ITGBL1: variants seen among roughly 807,000 people sequenced by gnomAD.
ITGBL1 encodes integrin subunit beta like 1.
In ITGBL1, 51 loss-of-function variants were observed where a neutral mutation model predicts 68.5. That is an observed-to-expected ratio of 0.74 (90% CI 0.59 to 0.94). The LOEUF is 0.94. Ranked by LOEUF, ITGBL1 falls within the 40% of genes least tolerant of loss-of-function variation. The probability of loss-of-function intolerance (pLI) is 0.00; values close to 1 mark genes in which losing one functional copy is unlikely to be tolerated. For missense variants in ITGBL1, 649 were observed against 647.4 expected (o/e 1.00, Z -0.03); for synonymous variants, 209 against 227.3 (o/e 0.92, Z 0.72).
intron 2 of ITGBL1, among the ~76,000 whole-genome samples, chr13:101,460,552 A>G (rs967790961): frequency 4.6e-5 from 7 of 152,172 alleles, no homozygotes; most frequent in Admixed American, 1.3e-4. Flanking sequence ...ATTTTCCTCA[A>G]TTGTACTGCT....
intron 9 of ITGBL1, chr13:101,712,359 A>G (rs1025208290): frequency 6.6e-6 from 1 of 152,210 alleles, no homozygotes; most frequent in South Asian, 2.1e-4. Flanking sequence ...CAAATGTTCT[A>G]TCCATATATG....
chr13:101,605,487 CATATATAG>C lies in ITGBL1; in HGVS notation c.1015+7190_1015+7197del, dbSNP rs1463399651. Among the ~76,000 whole-genome samples the C allele has an allele frequency of 6.5e-4, 75 of 114,778 alleles. 3 individuals are homozygous for C. The highest frequency in any genetic ancestry group is 8.8e-3 in the Middle Eastern group (2 of 228). The allele number at this position is 114,778 out of a possible 152,430, so 75.3% of individuals were successfully genotyped here. On this transcript the variant is annotated intron_variant, in intron 7 of 10. Transcript: ENST00000376180. ...ACATATGTATATGCGTATATATACA[CATATATAG>C]ACATGTATATGCGTATACACATATA...
chr13:101,529,660 G>A (rs986906122), intron 2 of ITGBL1, among the ~76,000 whole-genome samples: 2 of 152,152 alleles, frequency 1.3e-5, no homozygotes, highest in African/African-American at 2.4e-5. Flanking sequence ...ATTGGATCAC[G>A]GGGGTGGTTT....
At chr13:101,478,199 G>A (rs1033473861) in intron 2 of ITGBL1, among the ~76,000 whole-genome samples, 2 of 151,996 alleles carry the variant, frequency 1.3e-5, no homozygotes, top group Non-Finnish European at 2.9e-5. Flanking sequence ...ATCAATCAAC[G>A]TGATACAACA....
intron 2 of ITGBL1, among the ~76,000 whole-genome samples, chr13:101,531,870 A>AC (rs1361794389): frequency 6.6e-6 from 1 of 151,738 alleles, no homozygotes; most frequent in African/African-American, 2.4e-5. Context: ...AGTAGCTGGG[A>AC]CAACAGGCGC....
chr13:101,540,668 G>A (rs2049680413), intron 2 of ITGBL1, among the ~76,000 whole-genome samples: 1 of 152,070 alleles, frequency 6.6e-6, no homozygotes, highest in African/African-American at 2.4e-5. Flanking sequence ...TCACGATATC[G>A]ATTCTTCCTG....
At chr13:101,538,599 A>G (rs1259285310) in intron 2 of ITGBL1, among the ~76,000 whole-genome samples, 2 of 152,136 alleles carry the variant, frequency 1.3e-5, no homozygotes, top group Non-Finnish European at 1.5e-5. Flanking sequence ...ACAAAACTCC[A>G]GAAAAAAAAT....
chr13:101,714,339 G>T lies in ITGBL1; in HGVS notation c.1280-99G>T, dbSNP rs919504657. 1.0e-4 allele frequency: 79 copies of T among 764,266 alleles called. No homozygotes were observed. In the East Asian group the frequency reaches 1.9e-3, roughly 18 times the overall value. The allele number at this position is 764,266 out of a possible 1,614,324, so 47.3% of individuals were successfully genotyped here. On this transcript the variant is annotated intron_variant, in intron 9 of 10. Transcript: ENST00000376180. Reference sequence around the variant, plus strand: ...ATACACTTTTACCTTTGGATGATGGGTTATTAGAAGCCTGTTGTCAGTGTG... The same window carrying T: ...ATACACTTTTACCTTTGGATGATGGTTTATTAGAAGCCTGTTGTCAGTGTG...
intron 7 of ITGBL1, among the ~76,000 whole-genome samples, chr13:101,637,490 C>A (rs1449919575): frequency 6.6e-6 from 1 of 151,794 alleles, no homozygotes; most frequent in East Asian, 1.9e-4. Flanking sequence ...ACTACAGGCA[C>A]GTGCCACCAC....
chr13:101,574,193 A>G (rs138757722), intron 3 of ITGBL1, among the ~76,000 whole-genome samples: 8 of 152,282 alleles, frequency 5.3e-5, no homozygotes, highest in Admixed American at 5.2e-4. Flanking sequence ...AACATGACCT[A>G]TAAGACTTCC....
In ITGBL1 at chr13:101,524,389, C is replaced by CT. The variant is rs67860075; in HGVS notation, c.317-43298dup. On this transcript the variant is annotated intron_variant, in intron 2 of 10. Coordinates refer to ENST00000376180, the MANE Select transcript of ITGBL1 (RefSeq NM_004791.3). ...TTGTAAAACTCAATGTATTCTTATT[C>CT]TTTTTTTTTTTTGCAATTATTCCTG... 8.0e-3 allele frequency among the ~76,000 whole-genome samples: 1,178 copies of CT among 147,262 alleles called. 18 individuals carry two copies. The highest frequency in any genetic ancestry group is 0.026 in the African/African-American group (1,053 of 40,382).
intron 7 of ITGBL1, among the ~76,000 whole-genome samples, chr13:101,673,373 G>A (rs531021470): frequency 3.3e-5 from 5 of 152,142 alleles, no homozygotes; most frequent in Non-Finnish European, 5.9e-5. Context: ...TACAACTGTT[G>A]CTCATTCTGT....
chr13:101,468,441 T>A (rs1176753728), intron 2 of ITGBL1, among the ~76,000 whole-genome samples: 1 of 152,194 alleles, frequency 6.6e-6, no homozygotes, highest in Non-Finnish European at 1.5e-5. Flanking sequence ...CTTTTTATAA[T>A]AACTTTTAAG....
chr13:101,665,982 A>C (rs2139489381), intron 7 of ITGBL1, among the ~76,000 whole-genome samples: 1 of 152,222 alleles, frequency 6.6e-6, no homozygotes, highest in South Asian at 2.1e-4. Context: ...AATTATCTCA[A>C]AATAACTTAT....
rs1234588004 is a variant in ITGBL1, at chr13:101,454,000, C to G, written c.216C>G (p.Gly72=). ...ACGGCCGGGGCCGCTGCGACTGCGG[C>G]GTCTGCATCTGCCACGTGACTGAGC... ...LCHGRGRCDC[G]VCICHVTEPG... Residue 72 remains glycine, a synonymous_variant, in exon 2 of 11, where the codon GGC becomes GGG. Transcript: ENST00000376180. The G allele has an allele frequency of 1.9e-6, 3 of 1,565,756 alleles. No homozygotes were observed. The highest frequency in any genetic ancestry group is 2.6e-6 in the Non-Finnish European group (3 of 1,156,116).
intron 2 of ITGBL1, among the ~76,000 whole-genome samples, chr13:101,456,063 A>G (rs532288720): frequency 8.1e-4 from 124 of 152,288 alleles, no homozygotes; most frequent in Non-Finnish European, 1.6e-3. Context: ...CCTCCCATAG[A>G]AAATGATATG....
intron 4 of ITGBL1, among the ~76,000 whole-genome samples, chr13:101,575,803 A>G (rs2050349719): frequency 6.6e-6 from 1 of 152,124 alleles, no homozygotes; most frequent in Non-Finnish European, 1.5e-5. Context: ...CATAGCTCTG[A>G]AGTAGTCCTA....
At chr13:101,529,211 G>C (rs886629542) in intron 2 of ITGBL1, among the ~76,000 whole-genome samples, 1 of 151,688 alleles carries the variant, frequency 6.6e-6, no homozygotes, top group African/African-American at 2.4e-5. Flanking sequence ...GAGAGAAATT[G>C]AAACGTGGAA....
At chr13:101,698,122 A>G (rs1447282606) in intron 8 of ITGBL1, among the ~76,000 whole-genome samples, 1 of 152,204 alleles carries the variant, frequency 6.6e-6, no homozygotes, top group African/African-American at 2.4e-5. Flanking sequence ...TAATTTTTTT[A>G]GTTCTCCACC....
Sources: gnomAD v4.1 joint callset for allele counts (sites outside exome capture counted in the v4.1 genomes callset) on GRCh38, gnomAD v4.1.1 for gene constraint, MANE v1.5 for transcripts, NCBI Gene and HGNC (gene_info 2026-07-23, HGNC 2026-07-21) for gene names.